Variants in NAP1L1 observed in about 807,000 individuals in gnomAD.
NAP1L1 encodes the protein nucleosome assembly protein 1-like 1.
In NAP1L1, 9 loss-of-function variants were observed where a neutral mutation model predicts 58.9. The observed-to-expected ratio is 0.15, with a 90% CI of 0.09 to 0.27. NAP1L1 has a LOEUF of 0.27. Among genes scored for constraint, NAP1L1 ranks in the 10% least tolerant of loss-of-function variants. NAP1L1 has a pLI of 1.00. For missense variants in NAP1L1, 302 were observed against 458.8 expected (o/e 0.66, Z 3.12); for synonymous variants, 130 against 138.3 (o/e 0.94, Z 0.42).
chr12:76,070,421 A>G (rs1949901063), intron 2 of NAP1L1, among the ~76,000 whole-genome samples: 1 of 152,168 alleles, frequency 6.6e-6, no homozygotes. Context: ...TTCTGGAAGA[A>G]CTTTGATTTA....
At chr12:76,067,534 T>C (rs1949738333) in intron 3 of NAP1L1, 61 bp from the exon 4 acceptor site, 1 of 1,350,016 alleles carries the variant, frequency 7.4e-7, no homozygotes, top group Admixed American at 1.8e-5. Flanking sequence ...GCTTTTTTAA[T>C]AGGACAATCC....
At chr12:76,051,119 T>G (rs1446584603) in intron 11 of NAP1L1, among the ~76,000 whole-genome samples, 1 of 152,142 alleles carries the variant, frequency 6.6e-6, no homozygotes, top group East Asian at 1.9e-4. Flanking sequence ...AACAAATGAT[T>G]TGTCATTTTT....
chr12:76,079,545 C>G lies in NAP1L1; in HGVS notation c.-21+5022G>C, dbSNP rs551656711. Among the ~76,000 whole-genome samples the G allele has an allele frequency of 3.3e-5, 5 of 151,982 alleles. No individual in the cohort carries two copies. In the East Asian group the frequency reaches 7.7e-4, roughly 23 times the overall value. On this transcript the variant is annotated intron_variant, in intron 1 of 14. Transcript: ENST00000618691. The stretch of plus-strand genomic sequence containing the variant: ...AAAACACTAATCAGAGTTGGTATCA[C>G]GTATTAATGTCAGGAAAAAATAGAC...
chr12:76,049,072 A>C, intron 14 of NAP1L1, 128 bp downstream of exon 14: 1 of 912,744 alleles, frequency 1.1e-6, no homozygotes, highest in East Asian at 2.5e-5. Flanking sequence ...GACTGAAAAA[A>C]CAAAGTTATC....
At position 76,056,074 on chromosome 12, in the gene NAP1L1, T is replaced by C. The variant is rs548972699; in HGVS notation, c.517A>G (p.Thr173Ala). ...AGCAAGTCAACATTCTTAAAAACAG[T>C]TAACCAAAATTCAGGAATTCCTTTG... ...DPKGIPEFWL[T>A]VFKNVDLLSD... Residue 173 changes from threonine (T) to alanine (A), a missense_variant, in exon 7 of 15, where the codon ACT becomes GCT. Physicochemically the swap from Thr to Ala is moderately conservative, Grantham distance 58. Transcript: ENST00000618691. The C allele has an allele frequency of 3.8e-5, 62 of 1,612,384 alleles. No homozygotes were observed. Among genetic ancestry groups the C allele is most frequent in the Non-Finnish European group, 4.9e-5 (58 of 1,179,820 alleles).
At chr12:76,081,333 C>T (rs1289185823) in intron 1 of NAP1L1, among the ~76,000 whole-genome samples, 1 of 152,248 alleles carries the variant, frequency 6.6e-6, no homozygotes, top group East Asian at 1.9e-4. Context: ...GCTAATAATA[C>T]ACACAGAATT....
chr12:76,045,670 T>G lies in NAP1L1; in HGVS notation c.*2759A>C, dbSNP rs985834809. On this transcript the variant is annotated 3_prime_UTR_variant, in exon 15 of 15. Transcript: ENST00000618691. ...TACTGCTTCAGTAAGCTAGATTTACTAATTTAAGAATCCTAAGAAATTATA... is the reference window on the plus strand; with the variant it reads ...TACTGCTTCAGTAAGCTAGATTTACGAATTTAAGAATCCTAAGAAATTATA... 1 of 152,082 alleles carries G rather than the reference T, an allele frequency of 6.6e-6. No homozygotes were observed. The highest frequency in any genetic ancestry group is 6.5e-5 in the Admixed American group (1 of 15,274). 9.4% of individuals were successfully genotyped at this position (152,082 alleles called of 1,614,324 possible). A position where few individuals can be genotyped will look rare whatever the true frequency, so the allele number is the denominator to read the frequency against.
Position 76,059,647 on chromosome 12 carries a change from T to C in NAP1L1, c.429+151A>G, listed in dbSNP as rs3213863. On this transcript the variant is annotated intron_variant, in intron 6 of 14. Coordinates refer to ENST00000618691, the MANE Select transcript of NAP1L1 (RefSeq NM_004537.7). ...TGACTGTTTTTTAAAAATAAAGTAA[T>C]AGAAAAACGTGTAATAAAGACGTAA... 179 of 595,684 alleles carry C rather than the reference T, an allele frequency of 3.0e-4. 1 individual carries two copies. The East Asian group carries it at 5.4e-3, about 18-fold the overall frequency. The allele number at this position is 595,684 out of a possible 1,614,324, so 36.9% of individuals were successfully genotyped here.
At chr12:76,060,411 G>A in intron 4 of NAP1L1, 132 bp from the exon 5 acceptor site, 1 of 846,622 alleles carries the variant, frequency 1.2e-6, no homozygotes, top group South Asian at 2.1e-5. Context: ...TAGATTCAAA[G>A]TAAATAAAAA....
intron 14 of NAP1L1, chr12:76,048,927 C>T (rs1948699077): frequency 2.1e-6 from 1 of 484,374 alleles, no homozygotes; most frequent in African/African-American, 2.0e-5. Context: ...AAAACTGTTA[C>T]AAATCGTCCC....
At chr12:76,081,316 T>A (rs948205270) in intron 1 of NAP1L1, among the ~76,000 whole-genome samples, 1 of 152,212 alleles carries the variant, frequency 6.6e-6, no homozygotes, top group African/African-American at 2.4e-5. Flanking sequence ...CTAAGTAAAT[T>A]AAATGAGCTA....
At chr12:76,061,890 TC>T (rs1253369583) in intron 4 of NAP1L1, among the ~76,000 whole-genome samples, 2 of 152,142 alleles carry the variant, frequency 1.3e-5, no homozygotes, top group Admixed American at 1.3e-4. Context: ...CTTTTCTTGC[TC>T]CCCCAAAAAG....
intron 2 of NAP1L1, among the ~76,000 whole-genome samples, chr12:76,070,357 G>A (rs777500770): frequency 1.1e-4 from 16 of 152,062 alleles, no homozygotes; most frequent in Admixed American, 1.3e-4. Context: ...ATCCTCCCAC[G>A]TCCGCCTTCC....
intron 11 of NAP1L1, among the ~76,000 whole-genome samples, chr12:76,051,103 C>T (rs944265355): frequency 7.3e-5 from 11 of 151,554 alleles, no homozygotes; most frequent in African/African-American, 2.7e-4. Flanking sequence ...TTTCTCACAC[C>T]ATGTTAACAA....
chr12:76,037,650 C>A lies in NAP1L1; in HGVS notation c.*10779G>T, dbSNP rs1871080827. 1 of 152,240 alleles carries A rather than the reference C, an allele frequency of 6.6e-6. No homozygotes were observed. The highest frequency in any genetic ancestry group is 2.4e-5 in the African/African-American group (1 of 41,454). The allele number at this position is 152,240 out of a possible 1,614,324, so 9.4% of individuals were successfully genotyped here. On this transcript the variant is annotated 3_prime_UTR_variant, in exon 15 of 15. Transcript: ENST00000618691. The stretch of plus-strand genomic sequence containing the variant: ...GTTCCACTCAACCTTGAGCGAGTGC[C>A]AGTCATACATCTCCTTGTCCTCGCA...
chr12:76,039,170 C>T lies in NAP1L1; in HGVS notation c.*9259G>A, dbSNP rs982672967. ...GTGGCCAATGTGGCTGTCATCCTAA[C>T]CTCCCTTGGCATTCACACCCAGCTC... On this transcript the variant is annotated 3_prime_UTR_variant, in exon 15 of 15. Coordinates refer to ENST00000618691, the MANE Select transcript of NAP1L1 (RefSeq NM_004537.7). 1.3e-5 allele frequency: 2 copies of T among 152,176 alleles called. No individual in the cohort carries two copies. Among genetic ancestry groups the T allele is most frequent in the Non-Finnish European group, 2.9e-5 (2 of 68,020 alleles). The allele number at this position is 152,176 out of a possible 1,614,324, so 9.4% of individuals were successfully genotyped here. A position where few individuals can be genotyped will look rare whatever the true frequency, so the allele number is the denominator to read the frequency against.
intron 9 of NAP1L1, 143 bp from the exon 10 acceptor site, chr12:76,053,493 AT>A: frequency 1.0e-6 from 1 of 988,606 alleles, no homozygotes; most frequent in Non-Finnish European, 1.5e-6. Context: ...AAAGGGAAAA[AT>A]TTTATTTCTA....
At chr12:76,050,931 A>ATTGCTGGAGCCCAGCAGC (rs1296148487) in intron 11 of NAP1L1, among the ~76,000 whole-genome samples, 1 of 145,158 alleles carries the variant, frequency 6.9e-6, no homozygotes, top group Non-Finnish European at 1.5e-5. Context: ...AGGTGGGAAG[A>ATTGCTGGAGCCCAGCAGC]TTGCTGGAGC....
intron 9 of NAP1L1, 64 bp downstream of exon 9, chr12:76,053,706 T>G: frequency 1.3e-6 from 2 of 1,543,800 alleles, no homozygotes; most frequent in South Asian, 2.4e-5. Context: ...AATAACCGAG[T>G]ATACAAATCA....
Sources: allele counts gnomAD v4.1 joint callset (sites outside exome capture counted in the v4.1 genomes callset), GRCh38; gene constraint gnomAD v4.1.1; transcripts MANE v1.5; gene names NCBI Gene and HGNC (gene_info 2026-07-23, HGNC 2026-07-21).